Variants in GLRA3 observed in about 807,000 individuals in gnomAD.
The protein encoded by GLRA3 is glycine receptor subunit alpha-3.
A neutral mutation model predicts 60.4 loss-of-function variants in GLRA3; 44 were observed. The observed-to-expected ratio is 0.73, with a 90% CI of 0.57 to 0.94. The LOEUF (loss-of-function observed/expected upper bound fraction) is 0.94, where lower values mean the gene tolerates loss of function less well. GLRA3 is among the 40% of genes least tolerant of loss of function. The probability of loss-of-function intolerance (pLI) is 0.00; values close to 1 mark genes in which losing one functional copy is unlikely to be tolerated. For synonymous variants in GLRA3, 223 were observed against 192.9 expected (o/e 1.16, Z -1.29); for missense variants, 508 against 564.6 (o/e 0.90, Z 1.02).
rs1489239956 is a variant in GLRA3 at position 174,642,967 on chromosome 4, AG to A, written c.*818del. On this transcript the variant is annotated 3_prime_UTR_variant, in exon 10 of 10. Transcript: ENST00000274093. ...TATTAAACACAATCACATACAGTTA[AG>A]TAGCTATTAAAAGTCTAACAAAAAC... 4.2e-5 allele frequency: 35 copies of A among 830,608 alleles called. No homozygotes were observed. Among genetic ancestry groups the A allele is most frequent in the Middle Eastern group, 6.2e-4 (1 of 1,622 alleles). 51.5% of individuals were successfully genotyped at this position (830,608 alleles called of 1,614,324 possible). A position where few individuals can be genotyped will look rare whatever the true frequency, so the allele number is the denominator to read the frequency against.
intron 3 of GLRA3, among the ~76,000 whole-genome samples, chr4:174,731,492 T>G (rs1461265477): frequency 6.6e-6 from 1 of 152,168 alleles, no homozygotes; most frequent in Non-Finnish European, 1.5e-5. Flanking sequence ...AAATTACATC[T>G]CTACATGACG....
chr4:174,820,136 T>C (rs1210338856), intron 1 of GLRA3, among the ~76,000 whole-genome samples: 2 of 152,134 alleles, frequency 1.3e-5, no homozygotes, highest in Non-Finnish European at 2.9e-5. Flanking sequence ...CATAACTGAG[T>C]AAGAAAATGA....
rs865795166 is a variant in GLRA3 at position 174,677,253 on chromosome 4, C to T, written c.752G>A (p.Arg251Gln). ...CTGGATCAGATAGTATCCCATTTGT[C>T]GCTCCAGATGGAATCGCACTTCTAT... ...TCIEVRFHLE[R>Q]QMGYYLIQMY... Residue 251 changes from arginine (R) to glutamine (Q), a missense_variant, in exon 7 of 10, where the codon CGA becomes CAA. Physicochemically the swap from Arg to Gln is conservative, Grantham distance 43. Transcript: ENST00000274093. 8.7e-6 allele frequency: 14 copies of T among 1,612,264 alleles called. No individual in the cohort carries two copies. Among genetic ancestry groups the T allele is most frequent in the Admixed American group, 1.7e-5 (1 of 59,978 alleles).
intron 5 of GLRA3, among the ~76,000 whole-genome samples, chr4:174,695,538 C>G (rs1735019378): frequency 6.6e-6 from 1 of 151,964 alleles, no homozygotes; most frequent in African/African-American, 2.4e-5. Flanking sequence ...AAATTCAACA[C>G]CCTTTCATGT....
intron 9 of GLRA3, among the ~76,000 whole-genome samples, chr4:174,648,951 C>T (rs1732934154): frequency 6.6e-6 from 1 of 152,168 alleles, no homozygotes; most frequent in Non-Finnish European, 1.5e-5. Flanking sequence ...GCGGACTCCA[C>T]TAAGGAACCC....
At chr4:174,665,154 A>G (rs1462773819) in intron 7 of GLRA3, among the ~76,000 whole-genome samples, 2 of 151,964 alleles carry the variant, frequency 1.3e-5, no homozygotes, top group African/African-American at 4.8e-5. Context: ...CTTATTATGT[A>G]GTAGCTATAT....
intron 7 of GLRA3, among the ~76,000 whole-genome samples, chr4:174,669,369 A>G (rs1450208966): frequency 1.3e-5 from 2 of 152,110 alleles, no homozygotes. Flanking sequence ...AGGTAACTCA[A>G]GGACTACTTT....
At chr4:174,772,230 C>T (rs1367542288) in intron 2 of GLRA3, among the ~76,000 whole-genome samples, 2 of 152,146 alleles carry the variant, frequency 1.3e-5, no homozygotes, top group Admixed American at 1.3e-4. Flanking sequence ...CATAATGCCT[C>T]ATTGTATTTG....
rs1002486710 is a variant in GLRA3, at chr4:174,637,589, C to T, written c.*6197G>A. ...GATACTGTGTATGTGAGCGGGGTTGCCCAAAGGCGCCATTGCTAAAACCAC... is the reference window on the plus strand; with the variant it reads ...GATACTGTGTATGTGAGCGGGGTTGTCCAAAGGCGCCATTGCTAAAACCAC... On this transcript the variant is annotated 3_prime_UTR_variant, in exon 10 of 10. Coordinates refer to ENST00000274093, the MANE Select transcript of GLRA3 (RefSeq NM_006529.4). The T allele has an allele frequency of 2.0e-5, 3 of 152,146 alleles. No individual in the cohort carries two copies. The highest frequency in any genetic ancestry group is 4.4e-5 in the Non-Finnish European group (3 of 68,016). The allele number at this position is 152,146 out of a possible 1,614,324, so 9.4% of individuals were successfully genotyped here.
chr4:174,732,083 G>A (rs1378659757), intron 3 of GLRA3, among the ~76,000 whole-genome samples: 1 of 152,210 alleles, frequency 6.6e-6, no homozygotes, highest in Admixed American at 6.5e-5. Flanking sequence ...TTGGCCAGGT[G>A]CAGTGGCTTA....
At chr4:174,768,083 G>C (rs937399546) in intron 2 of GLRA3, among the ~76,000 whole-genome samples, 2 of 152,016 alleles carry the variant, frequency 1.3e-5, no homozygotes, top group Non-Finnish European at 2.9e-5. Context: ...CTTTGAGTGA[G>C]GCTCTTCCAG....
chr4:174,715,687 C>G, intron 4 of GLRA3, 117 bp from the exon 5 acceptor site: 1 of 549,250 alleles, frequency 1.8e-6, no homozygotes, highest in South Asian at 2.9e-5. Flanking sequence ...GTAAAAATTT[C>G]TCCAGCTTAT....
intron 1 of GLRA3, among the ~76,000 whole-genome samples, chr4:174,810,712 T>A (rs1475931182): frequency 6.6e-6 from 1 of 152,138 alleles, no homozygotes; most frequent in Non-Finnish European, 1.5e-5. Context: ...ATGGCTATAA[T>A]GATTAGAGTC....
Position 174,643,262 on chromosome 4 carries a change from C to T in GLRA3, c.*524G>A. The T allele has an allele frequency of 1.5e-6, 1 of 649,938 alleles. No individual in the cohort carries two copies. Among genetic ancestry groups the T allele is most frequent in the Non-Finnish European group, 1.9e-6 (1 of 525,090 alleles). The allele number at this position is 649,938 out of a possible 1,614,324, so 40.3% of individuals were successfully genotyped here. A position where few individuals can be genotyped will look rare whatever the true frequency, so the allele number is the denominator to read the frequency against. ...TCTTATTTAAAAATTTTCAAAATTA[C>T]ATATGTTGTTTAAATAGTATTTATA... is the stretch of plus-strand genomic sequence containing the variant. On this transcript the variant is annotated 3_prime_UTR_variant, in exon 10 of 10. Coordinates refer to ENST00000274093, the MANE Select transcript of GLRA3 (RefSeq NM_006529.4).
chr4:174,745,661 C>G (rs1280530505), intron 3 of GLRA3, among the ~76,000 whole-genome samples: 1 of 151,858 alleles, frequency 6.6e-6, no homozygotes, highest in African/African-American at 2.4e-5. Flanking sequence ...TAAAAAGCCC[C>G]TACAAAGCAA....
At chr4:174,808,582 C>G (rs1436871307) in intron 1 of GLRA3, among the ~76,000 whole-genome samples, 1 of 152,050 alleles carries the variant, frequency 6.6e-6, no homozygotes, top group Non-Finnish European at 1.5e-5. Flanking sequence ...TCAAAGTTAG[C>G]TGTAAAATAT....
At chr4:174,818,860 T>C (rs370658987) in intron 1 of GLRA3, among the ~76,000 whole-genome samples, 1 of 152,204 alleles carries the variant, frequency 6.6e-6, no homozygotes, top group South Asian at 2.1e-4. Context: ...TCACTTCTTA[T>C]AAAGGAATGA....
chr4:174,748,656 C>A (rs557797920), intron 3 of GLRA3, among the ~76,000 whole-genome samples: 2 of 151,992 alleles, frequency 1.3e-5, no homozygotes, highest in African/African-American at 4.8e-5. Flanking sequence ...AACATTATAC[C>A]CAGGTTAAAT....
At chr4:174,764,728 A>G (rs1435762790) in intron 3 of GLRA3, among the ~76,000 whole-genome samples, 1 of 152,096 alleles carries the variant, frequency 6.6e-6, no homozygotes, top group Non-Finnish European at 1.5e-5. Flanking sequence ...TGAATAAAAT[A>G]CAACAACTTA....
Sources: gnomAD v4.1 joint callset for allele counts (sites outside exome capture counted in the v4.1 genomes callset) on GRCh38, gnomAD v4.1.1 for gene constraint, MANE v1.5 for transcripts, NCBI Gene and HGNC (gene_info 2026-07-23, HGNC 2026-07-21) for gene names.